Variants in CXorf58 observed in about 807,000 individuals in gnomAD.
CXorf58 encodes uncharacterized protein CXorf58.
CXorf58 carries 24 observed loss-of-function variants against 26.0 expected under a neutral mutation model. The ratio of observed to expected loss-of-function variants is 0.92; its 90% CI spans 0.67 to 1.30. The LOEUF (loss-of-function observed/expected upper bound fraction) is 1.30, where lower values mean the gene tolerates loss of function less well. CXorf58 is among the 50% of genes most tolerant of loss of function. The pLI, the probability that CXorf58 is intolerant of heterozygous loss-of-function variation, is 0.00. For synonymous variants in CXorf58, 87 were observed against 86.1 expected, an observed-to-expected ratio of 1.01 and a Z score of -0.06; for missense variants, 236 against 263.9, an observed-to-expected ratio of 0.89 and a Z score of 0.73.
intron 5 of CXorf58, among the ~76,000 whole-genome samples, chrX:23,918,094 T>A (rs977277681): frequency 8.0e-5 from 9 of 112,043 alleles, no homozygotes; most frequent in African/African-American, 2.6e-4. Flanking sequence ...ACACTTTTTT[T>A]AAAATTCATT....
intron 5 of CXorf58, among the ~76,000 whole-genome samples, chrX:23,922,823 G>A (rs987610840): frequency 8.9e-6 from 1 of 112,503 alleles, no homozygotes; most frequent in African/African-American, 3.2e-5. Context: ...GTTCCCAGTA[G>A]AAACAGGAAA....
chrX:23,916,574 T>C, intron 5 of CXorf58: 1 of 229,567 alleles, frequency 4.4e-6, no homozygotes, highest in Non-Finnish European at 7.5e-6. Context: ...TCCATTTTTA[T>C]GTATTAAAAT....
chrX:23,921,703 G>T (rs756213065), intron 5 of CXorf58, among the ~76,000 whole-genome samples: 1 of 110,625 alleles, frequency 9.0e-6, no homozygotes, highest in Non-Finnish European at 1.9e-5. Flanking sequence ...TGTTGTTGTT[G>T]TTTTTTAGAC....
At chrX:23,912,626 C>A (rs1927613667) in intron 3 of CXorf58, among the ~76,000 whole-genome samples, 1 of 111,259 alleles carries the variant, frequency 9.0e-6, no homozygotes, top group African/African-American at 3.3e-5. Context: ...AGCCTGTAGT[C>A]ACAGCTACTT....
chrX:23,910,349 G>C lies in CXorf58; in HGVS notation c.47G>C (p.Gly16Ala). ...CCACGTAAAGGTATTCTGAAATCAG[G>C]TACAAGATCCTTACAAAAAGTTCGC... The part of the protein sequence containing the change: ...NVPRKGILKS[G>A]TRSLQKVRRV... The change falls in exon 2 of 9, where the codon GGT (glycine) becomes GCT (alanine). Residue 16 changes from glycine (G) to alanine (A), a missense_variant. By Grantham distance (60) the Gly-to-Ala change is moderately conservative. Transcript: ENST00000379211. 2 of 1,199,125 alleles carry C rather than the reference G, an allele frequency of 1.7e-6. No homozygotes were observed. Among genetic ancestry groups the C allele is most frequent in the African/African-American group, 3.5e-5 (2 of 57,447 alleles).
In CXorf58 at chrX:23,910,418, C is replaced by A; in HGVS notation, c.116C>A (p.Ser39Ter). The change falls in exon 2 of 9, where the codon TCA becomes TAA. Residue 39 changes from serine (S) to a stop codon, truncating the protein, a stop_gained and splice_region_variant. Transcript: ENST00000379211. LOFTEE classifies it high-confidence loss of function. ...GCACGAAATGCAAGATCATTACTAT[C>A]GTAAGTACCTGTGTTTTGCCTTGTG... ...ANARNARSLL[S>*]MLKDISAQII... 9.6e-7 allele frequency: 1 copy of A among 1,043,573 alleles called. No homozygotes were observed. The allele number at this position is 1,043,573 out of a possible 1,213,427, so 86.0% of individuals were successfully genotyped here.
intron 5 of CXorf58, 41 bp from the exon 6 acceptor site, chrX:23,927,198 A>G (rs182105002): frequency 1.9e-3 from 1,844 of 964,662 alleles, no homozygotes; most frequent in Middle Eastern, 0.012. Context: ...CATTAATGCT[A>G]TTCTACTATT....
At chrX:23,937,715 G>A (rs762859543) in intron 7 of CXorf58, among the ~76,000 whole-genome samples, 3 of 110,531 alleles carry the variant, frequency 2.7e-5, no homozygotes, top group Admixed American at 9.7e-5. Flanking sequence ...GTAAGCCACC[G>A]TGCTGGCAGG....
intron 1 of CXorf58, 113 bp from the exon 2 acceptor site, chrX:23,910,169 CT>C (rs1927535235): frequency 5.0e-6 from 2 of 402,561 alleles, no homozygotes; most frequent in Non-Finnish European, 8.6e-6. Context: ...TCCACAATGC[CT>C]TCCTTTTTAA....
At chrX:23,917,007 T>C (rs754806437) in intron 5 of CXorf58, among the ~76,000 whole-genome samples, 24 of 109,948 alleles carry the variant, frequency 2.2e-4, no homozygotes, top group Non-Finnish European at 2.1e-4. Flanking sequence ...TGGTAGCACA[T>C]TTAGAAAAAA....
intron 5 of CXorf58, among the ~76,000 whole-genome samples, chrX:23,921,939 G>A (rs1359556499): frequency 9.1e-6 from 1 of 110,099 alleles, no homozygotes; most frequent in Non-Finnish European, 1.9e-5. Context: ...CTGGCCTCAA[G>A]CGATCTGCCC....
intron 7 of CXorf58, among the ~76,000 whole-genome samples, chrX:23,936,075 G>C (rs1928289959): frequency 9.0e-6 from 1 of 110,927 alleles, no homozygotes; most frequent in African/African-American, 3.3e-5. Flanking sequence ...CCGGCCGCAT[G>C]GTTGCCTTTT....
chrX:23,935,282 G>A lies in CXorf58; in HGVS notation c.642G>A (p.Arg214=). 8.3e-7 allele frequency: 1 copy of A among 1,209,114 alleles called. No individual in the cohort carries two copies. Among genetic ancestry groups the A allele is most frequent in the African/African-American group, 1.7e-5 (1 of 57,745 alleles). ...WRKLNLENIP[R]TMLMYDIVHY... ...AATTAAATCTTGAAAATATTCCCAG[G>A]ACAATGCTAATGTATGACATAGTTC... Residue 214 remains arginine (R), a synonymous_variant, in exon 7 of 9, where the codon AGG becomes AGA. Coordinates refer to ENST00000379211, the MANE Select transcript of CXorf58 (RefSeq NM_152761.3).
chrX:23,910,236 TA>T (rs1927536305), intron 1 of CXorf58, 46 bp from the exon 2 acceptor site: 4 of 625,106 alleles, frequency 6.4e-6, no homozygotes, highest in Non-Finnish European at 1.0e-5. Flanking sequence ...CCAAACAGTG[TA>T]ATAGTATAAA....
intron 6 of CXorf58, 115 bp downstream of exon 6, chrX:23,927,485 T>G (rs1928044044): frequency 7.0e-6 from 2 of 287,708 alleles, no homozygotes; most frequent in Non-Finnish European, 1.1e-5. Flanking sequence ...CAATATAAAA[T>G]TTATTATTGT....
intron 5 of CXorf58, among the ~76,000 whole-genome samples, chrX:23,922,878 CT>C (rs1927906362): frequency 8.9e-6 from 1 of 112,111 alleles, no homozygotes; most frequent in South Asian, 3.7e-4. Flanking sequence ...AAGTGTGGAT[CT>C]AGGCCAGCAA....
chrX:23,938,583 C>T lies in CXorf58; in HGVS notation c.822C>T (p.Pro274=). Residue 274 remains proline (P), a synonymous_variant, in exon 8 of 9, where the codon CCC becomes CCT. Transcript: ENST00000379211. ...TAACTGTCCAACCTCTATATCGGCC[C>T]TACAAACAGCAAAATCAAGTTAAAT... ...PYLTVQPLYR[P]YKQQNQVKFL... 8.4e-7 allele frequency: 1 copy of T among 1,195,795 alleles called. No individual in the cohort carries two copies. Among genetic ancestry groups the T allele is most frequent in the Non-Finnish European group, 1.1e-6 (1 of 888,097 alleles).
intron 5 of CXorf58, among the ~76,000 whole-genome samples, chrX:23,926,589 CTG>C (rs1928017539): frequency 9.0e-6 from 1 of 111,294 alleles, no homozygotes; most frequent in Non-Finnish European, 1.9e-5. Flanking sequence ...TCTGCATTGA[CTG>C]CACGAATGAT....
chrX:23,917,449 C>T (rs1205817377), intron 5 of CXorf58, among the ~76,000 whole-genome samples: 3 of 110,374 alleles, frequency 2.7e-5, no homozygotes, highest in Non-Finnish European at 5.7e-5. Flanking sequence ...CAGAGTTTTG[C>T]TCTTGTTGCC....
Sources: allele counts gnomAD v4.1 joint callset (sites outside exome capture counted in the v4.1 genomes callset), GRCh38; gene constraint gnomAD v4.1.1; transcripts MANE v1.5; gene names NCBI Gene and HGNC (gene_info 2026-07-23, HGNC 2026-07-21).